The following RALGPS1 variants were observed in gnomAD, a reference collection of about 807,000 sequenced individuals.
RALGPS1 encodes Ral GEF with PH domain and SH3 binding motif 1, also known as ras-specific guanine nucleotide-releasing factor RalGPS1.
Under a neutral mutation model 78.8 loss-of-function variants are expected in RALGPS1, and 19 were observed. The ratio of observed to expected loss-of-function variants is 0.24; its 90% CI spans 0.17 to 0.35. The LOEUF (loss-of-function observed/expected upper bound fraction) is 0.35. RALGPS1 is among the 10% of genes least tolerant of loss of function. The pLI is 1.00. For synonymous variants in RALGPS1, 228 were observed against 256.3 expected (o/e 0.89, Z 1.06); for missense variants, 454 against 688.3 (o/e 0.66, Z 3.81).
chr9:127,115,639 C>G lies in RALGPS1; in HGVS notation c.610+46283C>G, dbSNP rs148195469. The stretch of plus-strand genomic sequence containing the variant: ...ACCCTGCCTTGCATCAAGATTGTCT[C>G]TTCAACCAGTATGAATAAAAGGTGC... On this transcript the variant is annotated intron_variant, in intron 8 of 18. Transcript: ENST00000259351. Among the ~76,000 whole-genome samples, 39 of 152,340 alleles carry G rather than the reference C, an allele frequency of 2.6e-4. No homozygotes were observed. In the East Asian group the frequency reaches 7.1e-3, roughly 28 times the overall value.
intron 8 of RALGPS1, among the ~76,000 whole-genome samples, chr9:127,155,758 G>A (rs1335132883): frequency 1.3e-5 from 2 of 152,174 alleles, no homozygotes; most frequent in African/African-American, 2.4e-5. Flanking sequence ...GTCAGTGTCT[G>A]TGGCCTTTAA....
intron 8 of RALGPS1, among the ~76,000 whole-genome samples, chr9:127,157,112 C>T (rs1382110390): frequency 6.6e-6 from 1 of 152,064 alleles, no homozygotes; most frequent in Non-Finnish European, 1.5e-5. Flanking sequence ...CTGGGCATCA[C>T]AGCACATTTT....
rs763061429 is a variant in RALGPS1 at position 127,166,120 on chromosome 9, G to A, written c.662G>A (p.Gly221Asp). Residue 221 changes from glycine to aspartate, a missense_variant, in exon 9 of 19, where the codon GGC becomes GAC. Gly to Asp is a moderately conservative substitution (Grantham distance 94). Transcript: ENST00000259351. The stretch of plus-strand genomic sequence containing the variant: ...ATTGATTCTGCATATCCTGCCTCAG[G>A]CAGTATCATGGAAAATGAACAAAGA... The part of the protein sequence containing the change: ...IYIDSAYPAS[G>D]SIMENEQRSN... The A allele has an allele frequency of 6.8e-6, 11 of 1,612,882 alleles. No homozygotes were observed. The highest frequency in any genetic ancestry group is 8.5e-7 in the Non-Finnish European group (1 of 1,179,802).
At position 127,222,031 on chromosome 9, in the gene RALGPS1, AAAAC is replaced by A. The variant is rs888390282; in HGVS notation, c.*3267_*3270del. 6.6e-6 allele frequency: 1 copy of A among 152,228 alleles called. No individual in the cohort carries two copies. The highest frequency in any genetic ancestry group is 2.4e-5 in the African/African-American group (1 of 41,458). The allele number at this position is 152,228 out of a possible 1,614,324, so 9.4% of individuals were successfully genotyped here. ...TACATATCAAGTGGTTTCATGTTAAAAAACAAACTCCTAGTCCTTTAGAAATAAC... is the reference window on the plus strand; with the variant it reads ...TACATATCAAGTGGTTTCATGTTAAAAAACTCCTAGTCCTTTAGAAATAAC... On this transcript the variant is annotated 3_prime_UTR_variant, in exon 19 of 19. Coordinates refer to ENST00000259351, the MANE Select transcript of RALGPS1 (RefSeq NM_014636.3).
At chr9:127,060,134 A>C (rs2049077986) in intron 7 of RALGPS1, among the ~76,000 whole-genome samples, 1 of 152,128 alleles carries the variant, frequency 6.6e-6, no homozygotes, top group South Asian at 2.1e-4. Flanking sequence ...GGCTGCCCAC[A>C]CATGGGGGGC....
intron 1 of RALGPS1, among the ~76,000 whole-genome samples, chr9:126,922,773 A>G (rs1471272115): frequency 6.6e-6 from 1 of 152,166 alleles, no homozygotes; most frequent in Non-Finnish European, 1.5e-5. Flanking sequence ...GAGAGTCCAC[A>G]TTTGTTCTTG....
chr9:126,955,465 G>C (rs902434784), intron 1 of RALGPS1, among the ~76,000 whole-genome samples: 14 of 152,182 alleles, frequency 9.2e-5, no homozygotes, highest in Non-Finnish European at 7.4e-5. Context: ...CATAACATTC[G>C]TGGGCAACTC....
chr9:127,111,382 A>T (rs1313548495), intron 8 of RALGPS1, among the ~76,000 whole-genome samples: 1 of 152,224 alleles, frequency 6.6e-6, no homozygotes, highest in Non-Finnish European at 1.5e-5. Context: ...GCATGATGGT[A>T]GGGAGGTGTT....
chr9:127,146,100 G>T (rs2058078375), intron 8 of RALGPS1, among the ~76,000 whole-genome samples: 1 of 152,108 alleles, frequency 6.6e-6, no homozygotes, highest in Non-Finnish European at 1.5e-5. Flanking sequence ...TTTTAGATAT[G>T]GGGGTACATG....
At position 127,182,360 on chromosome 9, in the gene RALGPS1, T is replaced by TCCTC. The variant is rs1266670356; in HGVS notation, c.910+7581_910+7582insCCCT. Reference sequence around the variant, plus strand: ...TTCCTTCCTTCCTTCCTCCCTTCCTTCCTTCCTTCCTCCCTCCCTCCCTCC... The same window carrying TCCTC: ...TTCCTTCCTTCCTTCCTCCCTTCCTTCCTCCCTTCCTTCCTCCCTCCCTCCCTCC... On this transcript the variant is annotated intron_variant, in intron 11 of 18. Transcript: ENST00000259351. Among the ~76,000 whole-genome samples the TCCTC allele has an allele frequency of 2.2e-3, 96 of 43,464 alleles. 1 individual carries two copies. The highest frequency in any genetic ancestry group is 4.7e-3 in the African/African-American group (75 of 15,892). 28.5% of individuals were successfully genotyped at this position (43,464 alleles called of 152,430 possible).
At chr9:126,940,620 T>C (rs2131415795) in intron 1 of RALGPS1, among the ~76,000 whole-genome samples, 1 of 152,140 alleles carries the variant, frequency 6.6e-6, no homozygotes, top group South Asian at 2.1e-4. Flanking sequence ...TTTTTGTATT[T>C]GTAGTAGAGG....
Position 127,212,133 on chromosome 9 carries a change from C to T in RALGPS1, c.1250C>T (p.Pro417Leu). Residue 417 changes from proline to leucine, a missense_variant and splice_region_variant, in exon 15 of 19, where the codon CCC (proline) becomes CTC (leucine). By Grantham distance (98) the Pro-to-Leu change is moderately conservative (BLOSUM62 -3). Coordinates refer to ENST00000259351, the MANE Select transcript of RALGPS1 (RefSeq NM_014636.3). This position sits in a 1 kb window ranked among gnomAD's most constrained non-coding sequence, Gnocchi z 6.0. ...TCTGACTGGTAGTCTCTCCTCAGCCCCACCGGCCCGTGCATCTGTTCTCTG... is the reference window on the plus strand; with the variant it reads ...TCTGACTGGTAGTCTCTCCTCAGCCTCACCGGCCCGTGCATCTGTTCTCTG... ...SEEMSSGLES[P>L]TGPCICSLGN... 6.2e-7 allele frequency: 1 copy of T among 1,611,822 alleles called. No homozygotes were observed. The highest frequency in any genetic ancestry group is 1.1e-5 in the South Asian group (1 of 90,734).
intron 11 of RALGPS1, among the ~76,000 whole-genome samples, chr9:127,179,260 G>C (rs1016926884): frequency 6.6e-6 from 1 of 152,238 alleles, no homozygotes; most frequent in East Asian, 1.9e-4. Context: ...GAAGGTTTCA[G>C]ACACACTCGG....
chr9:127,108,919 G>T, intron 8 of RALGPS1: 1 of 635,732 alleles, frequency 1.6e-6, no homozygotes, highest in South Asian at 2.4e-5. Context: ...ATATTCTCTT[G>T]GAGTCAGAGA....
rs2037929930 is a variant in RALGPS1, at chr9:126,952,629, G to GTGGC, written c.-65-9596_-65-9595insTGGC. On this transcript the variant is annotated intron_variant, in intron 1 of 18. Coordinates refer to ENST00000259351, the MANE Select transcript of RALGPS1 (RefSeq NM_014636.3). ...AATCTGATGTGCTGTGGCTGTGGCT[G>GTGGC]AGAGAGAGAGAGAGAGAGAGAGAGA... Among the ~76,000 whole-genome samples the GTGGC allele has an allele frequency of 7.0e-5, 6 of 85,532 alleles. No homozygotes were observed. The South Asian group carries it at 4.4e-3, about 63-fold the overall frequency. The allele number at this position is 85,532 out of a possible 152,430, so 56.1% of individuals were successfully genotyped here. A position where few individuals can be genotyped will look rare whatever the true frequency, so the allele number is the denominator to read the frequency against.
At chr9:127,084,424 C>T (rs2051488838) in intron 8 of RALGPS1, among the ~76,000 whole-genome samples, 1 of 152,170 alleles carries the variant, frequency 6.6e-6, no homozygotes, top group Admixed American at 6.5e-5. Flanking sequence ...ACTTCCTGCC[C>T]TGCCCCTACC....
chr9:127,168,333 C>T (rs2059393269), intron 9 of RALGPS1, among the ~76,000 whole-genome samples: 1 of 152,218 alleles, frequency 6.6e-6, no homozygotes, highest in African/African-American at 2.4e-5. Context: ...AGACACCTGG[C>T]TCTGGTCTGT....
intron 1 of RALGPS1, among the ~76,000 whole-genome samples, chr9:126,930,220 C>G (rs1399935487): frequency 6.7e-6 from 1 of 148,472 alleles, no homozygotes; most frequent in Non-Finnish European, 1.5e-5. Context: ...TATAATTAGG[C>G]TTGTGACAGA....
rs1412960796 is a variant in RALGPS1, at chr9:127,183,519, C to G, written c.910+8737C>G. Among the ~76,000 whole-genome samples the G allele has an allele frequency of 6.6e-6, 1 of 152,180 alleles. No homozygotes were observed. Among genetic ancestry groups the G allele is most frequent in the Non-Finnish European group, 1.5e-5 (1 of 68,030 alleles). Reference sequence around the variant, plus strand: ...CATTCTAACAGACCTGTGAGCACAACAGACCTGCCTGTGGCCACCGCTGTC... The same window carrying G: ...CATTCTAACAGACCTGTGAGCACAAGAGACCTGCCTGTGGCCACCGCTGTC... On this transcript the variant is annotated intron_variant, in intron 11 of 18. Transcript: ENST00000259351. This position sits in a 1 kb window ranked among gnomAD's most constrained non-coding sequence, Gnocchi z 4.0.
Sources: gnomAD v4.1 joint callset for allele counts (sites outside exome capture counted in the v4.1 genomes callset) on GRCh38, gnomAD v4.1.1 for gene constraint, Gnocchi (gnomAD v3.1) non-coding constraint, MANE v1.5 for transcripts, NCBI Gene and HGNC (gene_info 2026-07-23, HGNC 2026-07-21) for gene names.